The following XIRP2 variants were observed in gnomAD, a reference collection of about 807,000 sequenced individuals.
XIRP2 encodes xin actin binding repeat containing 2.
In XIRP2, 236 loss-of-function variants were observed where a neutral mutation model predicts 277.0. The ratio of observed to expected loss-of-function variants is 0.85; its 90% CI spans 0.77 to 0.95. The LOEUF (loss-of-function observed/expected upper bound fraction) is 0.95, where lower values mean the gene tolerates loss of function less well. Ranked by LOEUF, XIRP2 falls within the 40% of genes least tolerant of loss-of-function variation. The pLI, the probability that XIRP2 is intolerant of heterozygous loss-of-function variation, is 0.00. For synonymous variants in XIRP2, 1,490 were observed against 1,416.5 expected, an observed-to-expected ratio of 1.05 and a Z score of -1.17; for missense variants, 4,640 against 4,157.5, an observed-to-expected ratio of 1.12 and a Z score of -3.19.
chr2:167,035,304 T>C (rs1263623163), intron 2 of XIRP2, among the ~76,000 whole-genome samples: 2 of 152,132 alleles, frequency 1.3e-5, no homozygotes, highest in African/African-American at 4.8e-5. Context: ...TGTGGGAAAG[T>C]TTGGAACTTC....
chr2:167,032,541 A>G (rs1013997006), intron 2 of XIRP2, among the ~76,000 whole-genome samples: 1 of 152,124 alleles, frequency 6.6e-6, no homozygotes, highest in South Asian at 2.1e-4. Context: ...CATTTTTGCA[A>G]TGTATCCATC....
chr2:167,004,826 G>A (rs1304322867), intron 2 of XIRP2, among the ~76,000 whole-genome samples: 3 of 151,764 alleles, frequency 2.0e-5, no homozygotes, highest in Admixed American at 6.6e-5. Flanking sequence ...AGAAACTAAG[G>A]CCAATCCACC....
At chr2:167,214,259 A>AGGAAGGAAGGAAGGAG (rs1259203622) in intron 4 of XIRP2, among the ~76,000 whole-genome samples, 4 of 90,138 alleles carry the variant, frequency 4.4e-5, no homozygotes, top group Non-Finnish European at 6.3e-5. Context: ...GAAGGAAGGA[A>AGGAAGGAAGGAAGGAG]AGAGAGAGAG....
chr2:167,033,775 G>T (rs1688430843), intron 2 of XIRP2, among the ~76,000 whole-genome samples: 1 of 151,934 alleles, frequency 6.6e-6, no homozygotes, highest in Admixed American at 6.6e-5. Flanking sequence ...AGTATGCCCT[G>T]GGAAAATATC....
intron 2 of XIRP2, among the ~76,000 whole-genome samples, chr2:167,018,513 C>T (rs1489262178): frequency 6.6e-6 from 1 of 151,930 alleles, no homozygotes; most frequent in Non-Finnish European, 1.5e-5. Context: ...AGAAAGGGGA[C>T]AAGAAGACCA....
At chr2:167,132,465 G>A (rs184330916) in intron 2 of XIRP2, among the ~76,000 whole-genome samples, 28 of 151,960 alleles carry the variant, frequency 1.8e-4, no homozygotes, top group Admixed American at 1.7e-3. Context: ...GAGTTAGACT[G>A]CGCTTTTCAC....
intron 2 of XIRP2, among the ~76,000 whole-genome samples, chr2:166,983,864 A>G (rs1297476905): frequency 1.3e-5 from 2 of 152,218 alleles, no homozygotes; most frequent in South Asian, 2.1e-4. Flanking sequence ...GTATGCCACA[A>G]TGACAGTCTG....
chr2:166,949,639 A>T (rs1331374735), intron 2 of XIRP2, among the ~76,000 whole-genome samples: 2 of 152,080 alleles, frequency 1.3e-5, no homozygotes, highest in Non-Finnish European at 2.9e-5. Context: ...GGTCAAATTT[A>T]TATGCAGTTG....
rs369625241 is a variant in XIRP2, at chr2:167,259,223, A to G, written c.*1406A>G. The G allele has an allele frequency of 1.9e-6, 3 of 1,613,516 alleles. No homozygotes were observed. The highest frequency in any genetic ancestry group is 1.3e-5 in the African/African-American group (1 of 74,968). ...TGTTGAAACAACAGAAGCTGCCCGC[A>G]ATAATGAAAACACAGGTTTTGATGC... On this transcript the variant is annotated 3_prime_UTR_variant, in exon 11 of 11. Transcript: ENST00000409195.
At chr2:166,898,073 A>G (rs1350956525) in intron 1 of XIRP2, among the ~76,000 whole-genome samples, 2 of 152,080 alleles carry the variant, frequency 1.3e-5, no homozygotes, top group Non-Finnish European at 2.9e-5. Context: ...GGCCCAGGCT[A>G]TAAGATCATT....
intron 2 of XIRP2, among the ~76,000 whole-genome samples, chr2:166,912,482 C>T (rs1008327493): frequency 1.3e-5 from 2 of 152,154 alleles, no homozygotes; most frequent in African/African-American, 2.4e-5. Flanking sequence ...GACTTCTCTA[C>T]TTTGGTTATT....
chr2:166,943,536 G>A (rs369617153), intron 2 of XIRP2, among the ~76,000 whole-genome samples: 48 of 152,236 alleles, frequency 3.2e-4, no homozygotes, highest in African/African-American at 1.1e-3. Context: ...ACTTCATGTG[G>A]CAAACAATGC....
intron 9 of XIRP2, 69 bp downstream of exon 9, chr2:167,252,016 T>C (rs1695526232): frequency 1.3e-6 from 2 of 1,504,420 alleles, no homozygotes; most frequent in South Asian, 1.4e-5. Context: ...GCCAAAATGA[T>C]GTACAGTTAA....
At chr2:166,950,599 T>C (rs1018989688) in intron 2 of XIRP2, among the ~76,000 whole-genome samples, 1 of 152,114 alleles carries the variant, frequency 6.6e-6, no homozygotes, top group African/African-American at 2.4e-5. Context: ...GATTTGAAGA[T>C]GGAAAAGGCA....
intron 5 of XIRP2, among the ~76,000 whole-genome samples, chr2:167,219,150 A>G (rs1330932601): frequency 3.9e-5 from 6 of 152,160 alleles, no homozygotes; most frequent in Non-Finnish European, 8.8e-5. Flanking sequence ...CATATCAGGT[A>G]GAATGATTAA....
intron 2 of XIRP2, among the ~76,000 whole-genome samples, chr2:166,929,424 A>G (rs1685270421): frequency 6.6e-6 from 1 of 152,122 alleles, no homozygotes; most frequent in Non-Finnish European, 1.5e-5. Flanking sequence ...TTGTCCTTCC[A>G]AGATACCTCT....
intron 2 of XIRP2, among the ~76,000 whole-genome samples, chr2:167,124,990 T>C (rs1050914909): frequency 2.6e-5 from 4 of 152,154 alleles, no homozygotes; most frequent in African/African-American, 9.7e-5. Flanking sequence ...GAAAAGTCAC[T>C]GGGAAACCAG....
chr2:167,029,632 A>T (rs563728044), intron 2 of XIRP2, among the ~76,000 whole-genome samples: 20 of 152,178 alleles, frequency 1.3e-4, no homozygotes, highest in African/African-American at 4.8e-4. Flanking sequence ...GAATTTTTGC[A>T]TCGACGTTCA....
At chr2:167,015,296 G>A (rs1687789968) in intron 2 of XIRP2, among the ~76,000 whole-genome samples, 1 of 151,730 alleles carries the variant, frequency 6.6e-6, no homozygotes, top group Non-Finnish European at 1.5e-5. Flanking sequence ...AGTAAAAAAT[G>A]TCATCTTCCC....
Sources: allele counts gnomAD v4.1 joint callset (sites outside exome capture counted in the v4.1 genomes callset), GRCh38; gene constraint gnomAD v4.1.1; transcripts MANE v1.5; gene names NCBI Gene and HGNC (gene_info 2026-07-23, HGNC 2026-07-21).